Variants in FAM120B observed in about 807,000 individuals in gnomAD.
FAM120B encodes the protein family with sequence similarity 120 member B.
FAM120B carries 83 observed loss-of-function variants against 96.3 expected under a neutral mutation model. That is an observed-to-expected ratio of 0.86 (90% CI 0.72 to 1.03). The LOEUF is 1.03. Among genes scored for constraint, FAM120B ranks in the 50% least tolerant of loss-of-function variants. FAM120B has a pLI of 0.00. For synonymous variants in FAM120B, 407 were observed against 402.7 expected (o/e 1.01, Z -0.13); for missense variants, 1,027 against 1,121.2 (o/e 0.92, Z 1.20).
intron 6 of FAM120B, among the ~76,000 whole-genome samples, chr6:170,369,609 C>A (rs992443292): frequency 6.6e-6 from 1 of 151,626 alleles, no homozygotes; most frequent in African/African-American, 2.4e-5. Flanking sequence ...AGTGCTGGGG[C>A]AGGCCCCGGG....
upstream of FAM120B, among the ~76,000 whole-genome samples, chr6:170,304,769 G>T (rs528793713): frequency 6.6e-6 from 1 of 152,018 alleles, no homozygotes; most frequent in Non-Finnish European, 1.5e-5. Flanking sequence ...TCTGCTTGGA[G>T]TCCTTCCTCT....
At chr6:170,386,403 A>G (rs1790188512) in intron 6 of FAM120B, among the ~76,000 whole-genome samples, 1 of 152,258 alleles carries the variant, frequency 6.6e-6, no homozygotes, top group Admixed American at 6.5e-5. Context: ...GGACATCTGT[A>G]TACATAGATA....
upstream of FAM120B, among the ~76,000 whole-genome samples, chr6:170,293,583 T>C (rs1190023351): frequency 6.6e-6 from 1 of 152,170 alleles, no homozygotes; most frequent in Non-Finnish European, 1.5e-5. Flanking sequence ...TCCAACTTAA[T>C]TTATGCCACG....
In FAM120B at chr6:170,330,568, T is replaced by G; in HGVS notation, c.2017+18T>G. 1 of 1,568,986 alleles carries G rather than the reference T, an allele frequency of 6.4e-7. No homozygotes were observed. The highest frequency in any genetic ancestry group is 1.3e-5 in the African/African-American group (1 of 74,106). ...CATTCCAGGTACAGGCAGCCTTTCTTTAAATGAACCACAGATCTTTCCATT... is the reference window on the plus strand; with the variant it reads ...CATTCCAGGTACAGGCAGCCTTTCTGTAAATGAACCACAGATCTTTCCATT... On this transcript the variant is annotated intron_variant, in intron 4 of 10. Coordinates refer to ENST00000476287, the MANE Select transcript of FAM120B (RefSeq NM_032448.3).
At chr6:170,308,298 C>T (rs1038355308) in intron 1 of FAM120B, among the ~76,000 whole-genome samples, 1 of 152,108 alleles carries the variant, frequency 6.6e-6, no homozygotes, top group Admixed American at 6.5e-5. Flanking sequence ...ATAGCTGGGT[C>T]GGGGTCTTCA....
chr6:170,378,386 C>G (rs903375576), intron 6 of FAM120B, among the ~76,000 whole-genome samples: 1 of 152,296 alleles, frequency 6.6e-6, no homozygotes, highest in African/African-American at 2.4e-5. Flanking sequence ...CCCTGCCACC[C>G]GCTAGAAGGA....
At chr6:170,384,249 G>A (rs1193480015) in intron 6 of FAM120B, among the ~76,000 whole-genome samples, 2 of 152,174 alleles carry the variant, frequency 1.3e-5, no homozygotes, top group Non-Finnish European at 2.9e-5. Context: ...ATTGTGGATG[G>A]CACTGATGCC....
intron 1 of FAM120B, among the ~76,000 whole-genome samples, chr6:170,311,022 C>T (rs1784560817): frequency 6.6e-6 from 1 of 152,208 alleles, no homozygotes; most frequent in African/African-American, 2.4e-5. Context: ...GGTCTCTCTG[C>T]CCTTCTTTTT....
chr6:170,333,449 T>A (rs1786199399), intron 4 of FAM120B, among the ~76,000 whole-genome samples: 1 of 152,056 alleles, frequency 6.6e-6, no homozygotes, highest in South Asian at 2.1e-4. Flanking sequence ...GCATCTCAGA[T>A]GGACCAAGAC....
chr6:170,300,859 T>C (rs1422474689), intron 1 of FAM120B, among the ~76,000 whole-genome samples: 2 of 152,238 alleles, frequency 1.3e-5, no homozygotes, highest in Non-Finnish European at 2.9e-5. Context: ...TCCCACAGCC[T>C]TGGGTAGCTC....
intron 6 of FAM120B, among the ~76,000 whole-genome samples, chr6:170,382,147 G>A (rs1296636882): frequency 6.6e-6 from 1 of 152,206 alleles, no homozygotes; most frequent in Non-Finnish European, 1.5e-5. Context: ...TAGGTGGGGT[G>A]TGGTGGCTCA....
intron 4 of FAM120B, among the ~76,000 whole-genome samples, chr6:170,335,041 T>G (rs1786321116): frequency 1.3e-5 from 2 of 151,872 alleles, no homozygotes; most frequent in South Asian, 4.2e-4. Context: ...TTGAGTTTTT[T>G]TTTTGTTTTT....
intron 4 of FAM120B, among the ~76,000 whole-genome samples, chr6:170,344,155 A>G (rs1467588820): frequency 7.9e-6 from 1 of 126,216 alleles, no homozygotes; most frequent in African/African-American, 3.2e-5. Flanking sequence ...GAGCAGCCCC[A>G]CCTTGGAAGA....
At position 170,322,976 on chromosome 6, in the gene FAM120B, G is replaced by T. The variant is rs2064532; in HGVS notation, c.1735-103G>T. 0.045 allele frequency: 41,265 copies of T among 907,540 alleles called. 7,196 individuals carry two copies. The East Asian group carries it at 0.58, about 13-fold the overall frequency. 56.2% of individuals were successfully genotyped at this position (907,540 alleles called of 1,614,324 possible). A position where few individuals can be genotyped will look rare whatever the true frequency, so the allele number is the denominator to read the frequency against. ...TTCAGGGTCAGTTACATTTCTGAGGGCCTTAAAAAACTGGCATATGATGAA... is the reference window on the plus strand; with the variant it reads ...TTCAGGGTCAGTTACATTTCTGAGGTCCTTAAAAAACTGGCATATGATGAA... On this transcript the variant is annotated intron_variant, in intron 2 of 10. Coordinates refer to ENST00000476287, the MANE Select transcript of FAM120B (RefSeq NM_032448.3).
At chr6:170,319,162 AAT>A in intron 2 of FAM120B, 38 bp downstream of exon 2, 1 of 1,503,302 alleles carries the variant, frequency 6.7e-7, no homozygotes, top group Non-Finnish European at 8.8e-7. Context: ...CATGATTGAA[AAT>A]ATATCCGCTG....
intron 1 of FAM120B, among the ~76,000 whole-genome samples, chr6:170,300,527 T>G (rs1038032543): frequency 2.0e-5 from 3 of 152,192 alleles, no homozygotes; most frequent in African/African-American, 7.2e-5. Flanking sequence ...CAATCATACC[T>G]GCCCAACGGT....
At chr6:170,402,453 T>C (rs1778635208) in intron 9 of FAM120B, among the ~76,000 whole-genome samples, 1 of 152,250 alleles carries the variant, frequency 6.6e-6, no homozygotes, top group Non-Finnish European at 1.5e-5. Flanking sequence ...TAGTAGCTCT[T>C]CCTGACCCAG....
At chr6:170,293,880 C>T (rs190571875), upstream of FAM120B, among the ~76,000 whole-genome samples, 10 of 152,008 alleles carry the variant, frequency 6.6e-5, no homozygotes, top group East Asian at 3.9e-4. Context: ...TTAACTCCTG[C>T]GCACCAGTAG....
At chr6:170,382,603 G>A (rs1789973317) in intron 6 of FAM120B, among the ~76,000 whole-genome samples, 1 of 152,040 alleles carries the variant, frequency 6.6e-6, no homozygotes, top group Non-Finnish European at 1.5e-5. Context: ...ACATATACAG[G>A]ATCTGTATGC....
Sources: gnomAD v4.1 joint callset for allele counts (sites outside exome capture counted in the v4.1 genomes callset) on GRCh38, gnomAD v4.1.1 for gene constraint, MANE v1.5 for transcripts, NCBI Gene and HGNC (gene_info 2026-07-23, HGNC 2026-07-21) for gene names.